Variants in NPFFR2 observed in about 807,000 individuals in gnomAD.
The protein encoded by NPFFR2 is neuropeptide FF receptor 2, also known as G-protein coupled receptor 74.
In NPFFR2, 15 loss-of-function variants were observed where a neutral mutation model predicts 13.1. That is an observed-to-expected ratio of 1.15 (90% CI 0.77 to 1.76). The LOEUF is 1.76. Ranked by LOEUF, NPFFR2 falls within the 40% of genes most tolerant of loss-of-function variation. NPFFR2 has a pLI of 0.00. For missense variants in NPFFR2, 572 were observed against 503.5 expected, an observed-to-expected ratio of 1.14 and a Z score of -1.30; for synonymous variants, 190 against 175.7, an observed-to-expected ratio of 1.08 and a Z score of -0.65.
chr4:72,055,017 A>G (rs1025033483), intron 1 of NPFFR2, among the ~76,000 whole-genome samples: 13 of 151,974 alleles, frequency 8.6e-5, no homozygotes, highest in African/African-American at 3.1e-4. Flanking sequence ...TACATATAAT[A>G]CATATACACA....
At chr4:72,066,953 A>C (rs943842472) in intron 1 of NPFFR2, among the ~76,000 whole-genome samples, 5 of 152,090 alleles carry the variant, frequency 3.3e-5, no homozygotes, top group Admixed American at 2.6e-4. Flanking sequence ...TGGCTCCATT[A>C]AGAATTGCTC....
rs143752448 is a variant in NPFFR2 at position 72,065,627 on chromosome 4, A to G, written c.-8+33427A>G. ...CTTCTAAGACACTCTCTTTCAGCCA[A>G]AGTGGTTTATTTGCTATTCATTAAA... On this transcript the variant is annotated intron_variant, in intron 1 of 3. Transcript: ENST00000308744. Among the ~76,000 whole-genome samples the G allele has an allele frequency of 6.2e-3, 938 of 152,314 alleles. 5 individuals carry two copies. Among genetic ancestry groups the G allele is most frequent in the Non-Finnish European group, 9.7e-3 (657 of 68,012 alleles).
At chr4:72,057,615 A>C (rs1459860732) in intron 1 of NPFFR2, among the ~76,000 whole-genome samples, 1 of 151,906 alleles carries the variant, frequency 6.6e-6, no homozygotes, top group Admixed American at 6.6e-5. Flanking sequence ...TCAGATCCCT[A>C]ATTATGTTTG....
Position 72,032,177 on chromosome 4 carries a change from C to A in NPFFR2, c.-31C>A, listed in dbSNP as rs752894291. ...GGGCTTGGTGGATTCTGGTTCCTGCCGCCGACAGGGCTCGCCGGGAGAGGT... is the reference window on the plus strand; with the variant it reads ...GGGCTTGGTGGATTCTGGTTCCTGCAGCCGACAGGGCTCGCCGGGAGAGGT... On this transcript the variant is annotated 5_prime_UTR_variant, in exon 1 of 4. Coordinates refer to ENST00000308744, the MANE Select transcript of NPFFR2 (RefSeq NM_004885.3). 9.9e-6 allele frequency: 16 copies of A among 1,611,158 alleles called. No individual in the cohort carries two copies. Among genetic ancestry groups the A allele is most frequent in the Non-Finnish European group, 1.4e-5 (16 of 1,178,302 alleles).
chr4:72,094,132 C>T (rs1720988434), intron 1 of NPFFR2, among the ~76,000 whole-genome samples: 1 of 152,136 alleles, frequency 6.6e-6, no homozygotes, highest in Non-Finnish European at 1.5e-5. Context: ...GCTGAGCTGC[C>T]AGGCTCCACC....
intron 1 of NPFFR2, among the ~76,000 whole-genome samples, chr4:72,121,640 C>A (rs559977746): frequency 6.6e-6 from 1 of 152,312 alleles, no homozygotes; most frequent in South Asian, 2.1e-4. Context: ...AATTTCATAT[C>A]TAGCCAAACT....
At position 72,032,946 on chromosome 4, in the gene NPFFR2, T is replaced by G. The variant is rs189813442; in HGVS notation, c.-8+746T>G. On this transcript the variant is annotated intron_variant, in intron 1 of 3. Transcript: ENST00000308744. Reference sequence around the variant, plus strand: ...AGCTATAGTGTAGATATTTGAAATATTTATTTCTTTTTAAAAAATCTTAAT... The same window carrying G: ...AGCTATAGTGTAGATATTTGAAATAGTTATTTCTTTTTAAAAAATCTTAAT... 2.5e-3 allele frequency among the ~76,000 whole-genome samples: 385 copies of G among 152,200 alleles called. 5 individuals carry two copies. Among genetic ancestry groups the G allele is most frequent in the African/African-American group, 8.7e-3 (363 of 41,488 alleles).
intron 3 of NPFFR2, among the ~76,000 whole-genome samples, chr4:72,141,095 C>G (rs998140280): frequency 1.3e-5 from 2 of 152,002 alleles, no homozygotes; most frequent in African/African-American, 4.8e-5. Flanking sequence ...TCTGTGGGAT[C>G]AGTGGTGATA....
chr4:72,102,109 C>T (rs1040715664), intron 1 of NPFFR2, among the ~76,000 whole-genome samples: 1 of 151,982 alleles, frequency 6.6e-6, no homozygotes, highest in Non-Finnish European at 1.5e-5. Context: ...TTCAGCTGCT[C>T]TCCTTAAAAA....
chr4:72,128,915 A>G lies in NPFFR2; in HGVS notation c.324A>G (p.Ile108Met). 1 of 1,601,768 alleles carries G rather than the reference A, an allele frequency of 6.2e-7. No individual in the cohort carries two copies. Among genetic ancestry groups the G allele is most frequent in the Admixed American group, 1.7e-5 (1 of 59,492 alleles). The change falls in exon 2 of 4, where the codon ATA (isoleucine) becomes ATG (methionine). Residue 108 changes from isoleucine to methionine, a missense_variant. By Grantham distance (10) the Ile-to-Met change is conservative (BLOSUM62 1). Transcript: ENST00000308744. ...CMPITLLDNI[I>M]AGWPFGNTMC... ...CTATAACACTGCTGGACAATATTAT[A>G]GCAGGTATGTTGGCTTTTGTGCAGT...
At chr4:72,128,524 C>G (rs919643501) in intron 1 of NPFFR2, 61 bp from the exon 2 acceptor site, 4 of 1,044,062 alleles carry the variant, frequency 3.8e-6, no homozygotes, top group Non-Finnish European at 5.5e-6. Flanking sequence ...AACTCAGGCA[C>G]AGAATTTATG....
intron 1 of NPFFR2, among the ~76,000 whole-genome samples, chr4:72,063,755 T>C (rs1380848992): frequency 6.6e-6 from 1 of 152,198 alleles, no homozygotes. Context: ...AAGAGGGGCT[T>C]CAAGATAGTT....
At chr4:72,041,423 TG>T (rs1406167922) in intron 1 of NPFFR2, among the ~76,000 whole-genome samples, 1 of 152,250 alleles carries the variant, frequency 6.6e-6, no homozygotes, top group Non-Finnish European at 1.5e-5. Context: ...GTTGATTTCA[TG>T]TCTTTATTAT....
At chr4:72,101,323 G>A (rs1376962600) in intron 1 of NPFFR2, among the ~76,000 whole-genome samples, 10 of 151,638 alleles carry the variant, frequency 6.6e-5, no homozygotes, top group East Asian at 1.9e-4. Flanking sequence ...TAAACATATC[G>A]ATATTGAATA....
intron 1 of NPFFR2, among the ~76,000 whole-genome samples, chr4:72,047,178 TA>T (rs57694296): frequency 0.36 from 54,826 of 150,906 alleles, 10,580 homozygotes; most frequent in African/African-American, 0.51. Context: ...TGTAAAGAAT[TA>T]AAAAAAAAAA....
chr4:72,129,874 AG>A (rs1722179263), intron 2 of NPFFR2, among the ~76,000 whole-genome samples: 1 of 70,620 alleles, frequency 1.4e-5, no homozygotes. Context: ...TGGCTTTCCT[AG>A]GCAGAGGTCC....
rs200392163 is a variant in NPFFR2, at chr4:72,116,118, C to T, written c.-7-12467C>T. Among the ~76,000 whole-genome samples, 24 of 152,234 alleles carry T rather than the reference C, an allele frequency of 1.6e-4. No individual in the cohort carries two copies. The East Asian group carries it at 4.2e-3, about 27-fold the overall frequency. ...ACTGCATATGTTTATTGTTTTGAAA[C>T]TATTGCATAGATTGCAGCATGCAAA... On this transcript the variant is annotated intron_variant, in intron 1 of 3. Transcript: ENST00000308744.
intron 3 of NPFFR2, among the ~76,000 whole-genome samples, chr4:72,144,446 G>T (rs1185064703): frequency 6.6e-6 from 1 of 152,130 alleles, no homozygotes; most frequent in African/African-American, 2.4e-5. Context: ...ACTTGGAAAT[G>T]TTTTAAAACT....
Position 72,059,673 on chromosome 4 carries a change from C to T in NPFFR2, c.-8+27473C>T, listed in dbSNP as rs145177207. Among the ~76,000 whole-genome samples the T allele has an allele frequency of 5.8e-3, 888 of 152,172 alleles. 5 individuals carry two copies. Among genetic ancestry groups the T allele is most frequent in the African/African-American group, 0.021 (854 of 41,542 alleles). ...GCCCTTCGTATTCTTATAGTATTAA[C>T]TCTATGGTGCTGTGAACCAAAGTGG... On this transcript the variant is annotated intron_variant, in intron 1 of 3. Coordinates refer to ENST00000308744, the MANE Select transcript of NPFFR2 (RefSeq NM_004885.3).
Sources: gnomAD v4.1 joint callset for allele counts (sites outside exome capture counted in the v4.1 genomes callset) on GRCh38, gnomAD v4.1.1 for gene constraint, MANE v1.5 for transcripts, NCBI Gene and HGNC (gene_info 2026-07-23, HGNC 2026-07-21) for gene names.